Variants in BDH2 observed in about 807,000 individuals in gnomAD.
BDH2 encodes 3-hydroxybutyrate dehydrogenase 2.
Under a neutral mutation model 33.2 loss-of-function variants are expected in BDH2, and 24 were observed. That is an observed-to-expected ratio of 0.72 (90% CI 0.52 to 1.02). The LOEUF (loss-of-function observed/expected upper bound fraction) is 1.02, where lower values mean the gene tolerates loss of function less well. Among genes scored for constraint, BDH2 ranks in the 50% least tolerant of loss-of-function variants. BDH2 has a pLI of 0.00. For missense variants in BDH2, 249 were observed against 301.6 expected (o/e 0.83, Z 1.29); for synonymous variants, 81 against 101.6 (o/e 0.80, Z 1.22).
At chr4:103,081,157 A>G (rs1219624456) in intron 9 of BDH2, among the ~76,000 whole-genome samples, 3 of 152,230 alleles carry the variant, frequency 2.0e-5, no homozygotes, top group Admixed American at 2.0e-4. Flanking sequence ...TCTATACCTT[A>G]TAAGCATCAT....
chr4:103,092,197 A>G (rs1034416263), intron 4 of BDH2, among the ~76,000 whole-genome samples: 2 of 152,310 alleles, frequency 1.3e-5, no homozygotes, highest in Admixed American at 6.5e-5. Context: ...CATCCCCTAC[A>G]TGGCTGAAAA....
rs1262945539 is a variant in BDH2, at chr4:103,077,847, G to A, written c.*1855C>T. On this transcript the variant is annotated 3_prime_UTR_variant, in exon 10 of 10. Transcript: ENST00000296424. ...GAAAACTAAAATCCAAGATAGATTG[G>A]GTGACTTGGTCTAGATCACAAACCA... is the stretch of plus-strand genomic sequence containing the variant. 6.6e-6 allele frequency among the ~76,000 whole-genome samples: 1 copy of A among 152,090 alleles called. No individual in the cohort carries two copies. Among genetic ancestry groups the A allele is most frequent in the African/African-American group, 2.4e-5 (1 of 41,394 alleles).
At chr4:103,099,356 T>A (rs950726284) in intron 1 of BDH2, 12 of 152,228 alleles carry the variant, frequency 7.9e-5, no homozygotes, top group African/African-American at 2.9e-4. Context: ...AACTGTAATC[T>A]CAAACTAAAA....
intron 1 of BDH2, among the ~76,000 whole-genome samples, chr4:103,098,279 C>T (rs1748503641): frequency 2.0e-5 from 3 of 152,186 alleles, no homozygotes; most frequent in South Asian, 2.1e-4. Context: ...TGATCACCAA[C>T]GTGGCTAATT....
rs147651625 is a variant in BDH2, at chr4:103,080,790, T to C, written c.685-1035A>G. ...CTGGCTAACTAAGGGTAATTTAGCT[T>C]ATCAGCAGTACCCAAATCAAATGAG... On this transcript the variant is annotated intron_variant, in intron 9 of 9. Transcript: ENST00000296424. Among the ~76,000 whole-genome samples the C allele has an allele frequency of 2.7e-3, 412 of 152,340 alleles. 1 individual carries two copies. Among genetic ancestry groups the C allele is most frequent in the Non-Finnish European group, 5.2e-3 (355 of 68,036 alleles).
Position 103,092,705 on chromosome 4 carries a change from TA to T in BDH2, c.152-10del. Reference sequence around the variant, plus strand: ...GACACGAGTTTGAATACCTGAAAAATAAAACAAGAGGCACTATTCCTAAAAA... The same window carrying T: ...GACACGAGTTTGAATACCTGAAAAATAAACAAGAGGCACTATTCCTAAAAA... On this transcript the variant is annotated splice_polypyrimidine_tract_variant and intron_variant, in intron 3 of 9. Transcript: ENST00000296424. 1 of 1,586,648 alleles carries T rather than the reference TA, an allele frequency of 6.3e-7. No individual in the cohort carries two copies. Among genetic ancestry groups the T allele is most frequent in the Non-Finnish European group, 8.7e-7 (1 of 1,155,430 alleles).
At chr4:103,083,166 G>C (rs1747606631) in intron 7 of BDH2, among the ~76,000 whole-genome samples, 1 of 152,166 alleles carries the variant, frequency 6.6e-6, no homozygotes, top group African/African-American at 2.4e-5. Flanking sequence ...AGGGACTCTG[G>C]ATGAATCACC....
intron 9 of BDH2, among the ~76,000 whole-genome samples, chr4:103,081,272 C>T (rs144439339): frequency 2.6e-5 from 4 of 152,140 alleles, no homozygotes; most frequent in South Asian, 2.1e-4. Flanking sequence ...TTTCCATACA[C>T]GATGATGAAC....
At chr4:103,088,636 G>A (rs1279993883) in intron 5 of BDH2, among the ~76,000 whole-genome samples, 1 of 152,130 alleles carries the variant, frequency 6.6e-6, no homozygotes, top group Non-Finnish European at 1.5e-5. Flanking sequence ...ACATAGTACT[G>A]CTATCTAGGA....
intron 3 of BDH2, among the ~76,000 whole-genome samples, chr4:103,094,346 A>C (rs1245399304): frequency 6.6e-6 from 1 of 152,230 alleles, no homozygotes; most frequent in Non-Finnish European, 1.5e-5. Context: ...CTTAATATAC[A>C]GTACAGTGAC....
chr4:103,093,771 A>C (rs1400082939), intron 3 of BDH2, among the ~76,000 whole-genome samples: 9 of 147,698 alleles, frequency 6.1e-5, no homozygotes, highest in African/African-American at 2.2e-4. Flanking sequence ...ATATTTTATA[A>C]TTTATAATAT....
chr4:103,095,083 A>C, intron 3 of BDH2, 120 bp downstream of exon 3: 1 of 681,004 alleles, frequency 1.5e-6, no homozygotes, highest in Non-Finnish European at 2.5e-6. Flanking sequence ...CAGAGAGAGA[A>C]TCTAAAAAGC....
intron 8 of BDH2, 143 bp downstream of exon 8, chr4:103,082,728 A>G: frequency 1.4e-6 from 1 of 710,850 alleles, no homozygotes; most frequent in South Asian, 1.7e-5. Flanking sequence ...TCTACTCATT[A>G]AGCATTAACT....
At chr4:103,091,663 T>G in intron 4 of BDH2, 1 of 453,972 alleles carries the variant, frequency 2.2e-6, no homozygotes, top group Non-Finnish European at 4.4e-6. Flanking sequence ...GAGGACCACT[T>G]GAGCCCAGGA....
chr4:103,089,123 G>A (rs1056160798), intron 5 of BDH2, among the ~76,000 whole-genome samples: 2 of 152,116 alleles, frequency 1.3e-5, no homozygotes, highest in African/African-American at 4.8e-5. Context: ...CCTATGTTCT[G>A]ACCAGCTGAC....
In BDH2 at chr4:103,078,025, A is replaced by G. The variant is rs1747322606; in HGVS notation, c.*1677T>C. Among the ~76,000 whole-genome samples the G allele has an allele frequency of 6.6e-6, 1 of 152,220 alleles. No homozygotes were observed. Among genetic ancestry groups the G allele is most frequent in the Non-Finnish European group, 1.5e-5 (1 of 68,036 alleles). ...CTGCATGATATTCTTCCCCATACAC[A>G]AAGTGTTATCTTTTTGTTGTCCATT... On this transcript the variant is annotated 3_prime_UTR_variant, in exon 10 of 10. Transcript: ENST00000296424.
chr4:103,095,966 T>C (rs918839400), intron 2 of BDH2, among the ~76,000 whole-genome samples: 1 of 152,220 alleles, frequency 6.6e-6, no homozygotes, highest in Admixed American at 6.5e-5. Context: ...AGTGATGTCA[T>C]GTACTAAATA....
At chr4:103,094,138 G>A (rs1748245822) in intron 3 of BDH2, among the ~76,000 whole-genome samples, 1 of 152,024 alleles carries the variant, frequency 6.6e-6, no homozygotes, top group Non-Finnish European at 1.5e-5. Context: ...AATAATCTGG[G>A]TACTCTCTTA....
chr4:103,088,780 C>A (rs1486887584), intron 5 of BDH2, among the ~76,000 whole-genome samples: 2 of 152,216 alleles, frequency 1.3e-5, no homozygotes, highest in Non-Finnish European at 2.9e-5. Context: ...CCTGGTGGAA[C>A]CTGGCCACTT....
Sources: gnomAD v4.1 joint callset for allele counts (sites outside exome capture counted in the v4.1 genomes callset) on GRCh38, gnomAD v4.1.1 for gene constraint, MANE v1.5 for transcripts, NCBI Gene and HGNC (gene_info 2026-07-23, HGNC 2026-07-21) for gene names.